Variants in CREM observed in about 807,000 individuals in gnomAD.
The protein encoded by CREM is cAMP responsive element modulator, also known as cAMP-responsive element modulator.
In CREM, 13 loss-of-function variants were observed where a neutral mutation model predicts 37.3. The ratio of observed to expected loss-of-function variants is 0.35; its 90% CI spans 0.23 to 0.55. The LOEUF (loss-of-function observed/expected upper bound fraction) is 0.55. Among genes scored for constraint, CREM ranks in the 20% least tolerant of loss-of-function variants. The pLI is 0.88. For synonymous variants in CREM, 124 were observed against 120.2 expected, an observed-to-expected ratio of 1.03 and a Z score of -0.21; for missense variants, 296 against 362.3, an observed-to-expected ratio of 0.82 and a Z score of 1.49.
At chr10:35,152,975 C>T (rs1045186592) in intron 3 of CREM, among the ~76,000 whole-genome samples, 4 of 152,202 alleles carry the variant, frequency 2.6e-5, no homozygotes, top group African/African-American at 4.8e-5. Context: ...CATGGTGGCT[C>T]ATGCCTATAA....
Position 35,211,580 on chromosome 10 carries a change from C to T in CREM, c.*182C>T, listed in dbSNP as rs2095665671. 2 of 1,554,542 alleles carry T rather than the reference C, an allele frequency of 1.3e-6. No individual in the cohort carries two copies. The highest frequency in any genetic ancestry group is 2.3e-5 in the East Asian group (1 of 44,310). ...TGGAATGCAGCCGTGATCACACTTA[C>T]CGAGCTTACTTTGATCTGTTTGTCA... is the stretch of plus-strand genomic sequence containing the variant. On this transcript the variant is annotated 3_prime_UTR_variant, in exon 8 of 8. Transcript: ENST00000685392.
chr10:35,135,735 AAAAAAAAAGAG>A (rs1335968555), intron 1 of CREM, among the ~76,000 whole-genome samples: 4 of 132,172 alleles, frequency 3.0e-5, no homozygotes, highest in Non-Finnish European at 6.9e-5. Flanking sequence ...AAAAAAAAAA[AAAAAAAAAGAG>A]AGACATTAAA....
chr10:35,170,009 C>T (rs532311895), intron 3 of CREM, among the ~76,000 whole-genome samples: 1 of 147,100 alleles, frequency 6.8e-6, no homozygotes, highest in Non-Finnish European at 1.5e-5. Flanking sequence ...TTTGCCCAAG[C>T]TGGAGTGCAG....
intron 1 of CREM, among the ~76,000 whole-genome samples, chr10:35,135,270 ACTAAT>A (rs1184741989): frequency 2.6e-5 from 4 of 152,208 alleles, no homozygotes; most frequent in South Asian, 4.1e-4. Flanking sequence ...CCTATAACAA[ACTAAT>A]CTAAAATATG....
chr10:35,169,394 TTGTC>T (rs1232443715), intron 3 of CREM, among the ~76,000 whole-genome samples: 18 of 152,112 alleles, frequency 1.2e-4, no homozygotes, highest in Admixed American at 1.2e-3. Flanking sequence ...ATTTGGCTGT[TTGTC>T]TGTTACTGGT....
intron 3 of CREM, among the ~76,000 whole-genome samples, chr10:35,172,480 G>A (rs1040342539): frequency 3.3e-5 from 5 of 152,070 alleles, no homozygotes; most frequent in African/African-American, 7.2e-5. Context: ...CAGTGGTGGT[G>A]GGGGAGTGGT....
chr10:35,198,645 C>T (rs540062868), intron 6 of CREM, among the ~76,000 whole-genome samples: 1 of 152,026 alleles, frequency 6.6e-6, no homozygotes, highest in Non-Finnish European at 1.5e-5. Flanking sequence ...CTGTTAGGAG[C>T]ATAATTTCCT....
At chr10:35,195,271 G>A in intron 6 of CREM, 1 of 1,598,576 alleles carries the variant, frequency 6.3e-7, no homozygotes, top group Non-Finnish European at 8.6e-7. Flanking sequence ...TGAAGTTTAG[G>A]AAGTATTCAG....
intron 6 of CREM, among the ~76,000 whole-genome samples, chr10:35,197,245 T>C (rs2134075257): frequency 6.6e-6 from 1 of 152,234 alleles, no homozygotes; most frequent in Non-Finnish European, 1.5e-5. Flanking sequence ...TTGATTTTCC[T>C]TTTCCAATTT....
In CREM at chr10:35,211,608, A is replaced by T. The variant is rs764318696; in HGVS notation, c.*210A>T. The stretch of plus-strand genomic sequence containing the variant: ...AGCTTACTTTGATCTGTTTGTCAAT[A>T]GCATGCAAAAAATGCTTTGTTTGCC... On this transcript the variant is annotated 3_prime_UTR_variant, in exon 8 of 8. Transcript: ENST00000685392. 2.5e-6 allele frequency: 4 copies of T among 1,597,526 alleles called. No individual in the cohort carries two copies. The highest frequency in any genetic ancestry group is 3.4e-6 in the Non-Finnish European group (4 of 1,171,996).
At chr10:35,167,607 C>A in intron 3 of CREM, 2 of 929,002 alleles carry the variant, frequency 2.2e-6, no homozygotes, top group African/African-American at 1.6e-5. Flanking sequence ...GAGGTTTTCC[C>A]AGTTATAAGT....
At position 35,206,877 on chromosome 10, in the gene CREM, T is replaced by C. The variant is rs540852727; in HGVS notation, c.599-18T>C. The C allele has an allele frequency of 3.7e-6, 6 of 1,612,334 alleles. 1 individual carries two copies. The highest frequency in any genetic ancestry group is 4.5e-5 in the East Asian group (2 of 44,844). Reference sequence around the variant, plus strand: ...ATGAATTCTTTATATAAGCTCAAAATATTTTGTTTTACTGCAGCTGCCACT... The same window carrying C: ...ATGAATTCTTTATATAAGCTCAAAACATTTTGTTTTACTGCAGCTGCCACT... On this transcript the variant is annotated intron_variant, in intron 6 of 7. Coordinates refer to ENST00000685392, the MANE Select transcript of CREM (RefSeq NM_183011.2).
intron 2 of CREM, among the ~76,000 whole-genome samples, chr10:35,142,257 A>T (rs2091535130): frequency 1.3e-5 from 2 of 152,220 alleles, no homozygotes. Flanking sequence ...AAGTCTTTAC[A>T]GGAAAAAACT....
rs150542513 is a variant in CREM at position 35,141,227 on chromosome 10, T to C, written c.44+3348T>C. 4.8e-3 allele frequency among the ~76,000 whole-genome samples: 735 copies of C among 152,356 alleles called. 7 individuals are homozygous for C. The highest frequency in any genetic ancestry group is 0.014 in the Middle Eastern group (4 of 294). ...AAACTACCAGGCACTTACCACATGG[T>C]AAACTCTCAATAAATGATGGTTATA... On this transcript the variant is annotated intron_variant, in intron 2 of 7. Transcript: ENST00000685392.
rs2092744535 is a variant in CREM at position 35,153,944 on chromosome 10, A to T, written c.168+5453A>T. On this transcript the variant is annotated intron_variant, in intron 3 of 7. Transcript: ENST00000685392. ...CGCTAGGGAATGTTGTTCAGAGATT[A>T]TACTCTCCTAATCAAGCTGAACTCT... The T allele has an allele frequency of 3.8e-5, 15 of 393,446 alleles. No individual in the cohort carries two copies. In the East Asian group the frequency reaches 5.4e-4, roughly 14 times the overall value. The allele number at this position is 393,446 out of a possible 1,614,324, so 24.4% of individuals were successfully genotyped here. A position where few individuals can be genotyped will look rare whatever the true frequency, so the allele number is the denominator to read the frequency against.
intron 6 of CREM, among the ~76,000 whole-genome samples, chr10:35,198,275 A>G (rs1214339088): frequency 6.6e-6 from 1 of 152,158 alleles, no homozygotes; most frequent in African/African-American, 2.4e-5. Flanking sequence ...CTGTAATCCC[A>G]GCACTTTGGG....
intron 3 of CREM, among the ~76,000 whole-genome samples, chr10:35,152,637 T>C (rs1446888996): frequency 2.6e-5 from 4 of 152,240 alleles, no homozygotes; most frequent in Non-Finnish European, 5.9e-5. Flanking sequence ...ATCTTATTTA[T>C]TAAGTACGTG....
chr10:35,182,549 A>G (rs2094396542), intron 5 of CREM, among the ~76,000 whole-genome samples: 2 of 152,218 alleles, frequency 1.3e-5, no homozygotes. Flanking sequence ...GCTGGTGTTT[A>G]AAAGAACTAA....
intron 3 of CREM, chr10:35,167,527 G>A (rs1452479991): frequency 6.3e-5 from 36 of 567,968 alleles, no homozygotes; most frequent in South Asian, 5.9e-4. Flanking sequence ...AAACCCCATC[G>A]TGAGGGAACC....
Sources: allele counts gnomAD v4.1 joint callset (sites outside exome capture counted in the v4.1 genomes callset), GRCh38; gene constraint gnomAD v4.1.1; transcripts MANE v1.5; gene names NCBI Gene and HGNC (gene_info 2026-07-23, HGNC 2026-07-21).